Variants in MBNL2 observed in about 807,000 individuals in gnomAD.
MBNL2 encodes muscleblind-like protein 2.
MBNL2 carries 17 observed loss-of-function variants against 41.9 expected under a neutral mutation model. The observed-to-expected ratio is 0.41, with a 90% confidence interval of 0.28 to 0.61. MBNL2 has a LOEUF of 0.61. Ranked by LOEUF, MBNL2 falls within the 20% of genes least tolerant of loss-of-function variation. The pLI, the probability that MBNL2 is intolerant of heterozygous loss-of-function variation, is 0.35. For synonymous variants in MBNL2, 195 were observed against 182.9 expected, an observed-to-expected ratio of 1.07 and a Z score of -0.53; for missense variants, 336 against 505.6, an observed-to-expected ratio of 0.66 and a Z score of 3.22.
the MBNL2 span, among the ~76,000 whole-genome samples, chr13:97,174,372 C>T: frequency 1.1e-4 from 16 of 152,280 alleles, no homozygotes; most frequent in African/African-American, 2.4e-4. Context: ...TACCTCTACT[C>T]GCTCCTCCAA....
Position 97,357,567 on chromosome 13 carries a change from G to A in MBNL2, c.944G>A (p.Ser315Asn), listed in dbSNP as rs772139394. Residue 315 changes from serine (S) to asparagine (N), a missense_variant, in exon 7 of 9, where the codon AGC (serine) becomes AAC (asparagine). By Grantham distance (46) the Ser-to-Asn change is conservative. Coordinates refer to ENST00000679496, the MANE Select transcript of MBNL2 (RefSeq NM_001382683.1). ...GGTACCAGCGCGGTCTTTAACCCCAGCGTCTTGCACTACCAGCAGGCTCTC... is the reference window on the plus strand; with the variant it reads ...GGTACCAGCGCGGTCTTTAACCCCAACGTCTTGCACTACCAGCAGGCTCTC... ...SNGTSAVFNPSVLHYQQALTS... is the reference protein window; with the variant it reads ...SNGTSAVFNPNVLHYQQALTS... 4 of 1,613,922 alleles carry A rather than the reference G, an allele frequency of 2.5e-6. No homozygotes were observed. The highest frequency in any genetic ancestry group is 4.5e-5 in the East Asian group (2 of 44,870).
the MBNL2 span, among the ~76,000 whole-genome samples, chr13:97,157,724 C>T: frequency 7.7e-3 from 1,138 of 148,252 alleles, 10 homozygotes; most frequent in African/African-American, 0.027. Flanking sequence ...TTGAACCAGC[C>T]TTGCATCCCA....
chr13:97,333,992 GAAAGAGAA>G (rs1355845864), intron 2 of MBNL2, among the ~76,000 whole-genome samples: 2 of 96,166 alleles, frequency 2.1e-5, no homozygotes, highest in African/African-American at 4.0e-5. Context: ...GGGAGGGAAA[GAAAGAGAA>G]AGAGAGAAAG....
intron 2 of MBNL2, among the ~76,000 whole-genome samples, chr13:97,293,322 A>G (rs1477563850): frequency 6.6e-6 from 1 of 152,170 alleles, no homozygotes; most frequent in African/African-American, 2.4e-5. Flanking sequence ...AAAATATCCA[A>G]GTAATTTGGT....
intron 1 of MBNL2, among the ~76,000 whole-genome samples, chr13:97,246,757 G>A (rs73555759): frequency 0.029 from 4,348 of 152,198 alleles, 95 homozygotes; most frequent in South Asian, 0.12. Context: ...ACCAAACCAC[G>A]CTACAAGACA....
chr13:97,144,885 C>T, the MBNL2 span, among the ~76,000 whole-genome samples: 1 of 152,262 alleles, frequency 6.6e-6, no homozygotes, highest in East Asian at 1.9e-4. Flanking sequence ...TTCGGAAGGA[C>T]CCTGACATAG....
At chr13:97,149,697 C>T in the MBNL2 span, among the ~76,000 whole-genome samples, 1 of 152,100 alleles carries the variant, frequency 6.6e-6, no homozygotes, top group Non-Finnish European at 1.5e-5. Context: ...AATACTAGAA[C>T]TTGGTGGAGC....
At chr13:97,363,577 A>G (rs2153116798) in intron 7 of MBNL2, among the ~76,000 whole-genome samples, 1 of 152,212 alleles carries the variant, frequency 6.6e-6, no homozygotes, top group South Asian at 2.1e-4. Context: ...TGCTGGCTGC[A>G]GCAATATGGG....
At chr13:97,251,868 G>C (rs1315807670) in intron 1 of MBNL2, among the ~76,000 whole-genome samples, 2 of 114,040 alleles carry the variant, frequency 1.8e-5, no homozygotes, top group African/African-American at 7.0e-5. Context: ...TTTTGAGACG[G>C]AGTCTCGCTC....
chr13:97,346,928 T>C lies in MBNL2; in HGVS notation c.665T>C (p.Ile222Thr). ...ACCGTAACCGTTTGTATGGATTACA[T>C]AAAGGGGCGTTGCATGAGGGAGAAA... ...DNTVTVCMDYIKGRCMREKCK... is the reference protein window; with the variant it reads ...DNTVTVCMDYTKGRCMREKCK... The change falls in exon 5 of 9, where the codon ATA becomes ACA. Residue 222 changes from isoleucine (I) to threonine (T), a missense_variant. Transcript: ENST00000679496. This position sits in a 1 kb window ranked among gnomAD's most constrained non-coding sequence, Gnocchi z 4.2. The C allele has an allele frequency of 6.2e-7, 1 of 1,614,128 alleles. No individual in the cohort carries two copies. The highest frequency in any genetic ancestry group is 8.5e-7 in the Non-Finnish European group (1 of 1,179,968).
intron 4 of MBNL2, among the ~76,000 whole-genome samples, chr13:97,345,467 C>G (rs887365433): frequency 1.7e-4 from 26 of 152,102 alleles, no homozygotes; most frequent in African/African-American, 6.0e-4. Context: ...CTTGATCCAC[C>G]AGAATTCTCA....
chr13:97,260,316 C>G (rs539150492), intron 1 of MBNL2, among the ~76,000 whole-genome samples: 1 of 152,122 alleles, frequency 6.6e-6, no homozygotes, highest in Admixed American at 6.5e-5. Context: ...GGCCAGTCAC[C>G]GAGGTCAGTG....
At chr13:97,210,403 G>T in the MBNL2 span, among the ~76,000 whole-genome samples, 4 of 152,040 alleles carry the variant, frequency 2.6e-5, no homozygotes, top group African/African-American at 9.7e-5. Flanking sequence ...GGAAGTCTTT[G>T]TCTTTGTGGC....
intron 2 of MBNL2, among the ~76,000 whole-genome samples, chr13:97,282,725 T>C (rs781484852): frequency 5.3e-5 from 8 of 152,272 alleles, no homozygotes; most frequent in African/African-American, 1.2e-4. Flanking sequence ...TCAGCTGTTC[T>C]GGGTATATCA....
chr13:97,189,905 C>A, the MBNL2 span, among the ~76,000 whole-genome samples: 3 of 152,198 alleles, frequency 2.0e-5, no homozygotes, highest in African/African-American at 7.2e-5. Context: ...TCTGCGTGGG[C>A]CACCTGCTAC....
intron 8 of MBNL2, among the ~76,000 whole-genome samples, chr13:97,374,187 G>A (rs1013403123): frequency 1.3e-5 from 2 of 149,832 alleles, no homozygotes; most frequent in Admixed American, 6.7e-5. Context: ...TCGCTCTGTC[G>A]CCCAGGCTGG....
At chr13:97,308,906 C>A (rs986987628) in intron 2 of MBNL2, among the ~76,000 whole-genome samples, 1 of 152,082 alleles carries the variant, frequency 6.6e-6, no homozygotes, top group Non-Finnish European at 1.5e-5. Context: ...GCAAGATAAG[C>A]AAAAGAAGCC....
chr13:97,280,947 C>T, intron 2 of MBNL2, among the ~76,000 whole-genome samples: 1 of 152,224 alleles, frequency 6.6e-6, no homozygotes, highest in Non-Finnish European at 1.5e-5. Context: ...CCTGGCTTTA[C>T]TGCTCCCCCT....
chr13:97,197,990 C>A, the MBNL2 span, among the ~76,000 whole-genome samples: 1 of 152,102 alleles, frequency 6.6e-6, no homozygotes, highest in African/African-American at 2.4e-5. Flanking sequence ...TATTGAGTTG[C>A]CTTCCTCTGA....
Sources: allele counts gnomAD v4.1 joint callset (sites outside exome capture counted in the v4.1 genomes callset), GRCh38; gene constraint gnomAD v4.1.1; non-coding constraint Gnocchi (gnomAD v3.1); transcripts MANE v1.5; gene names NCBI Gene and HGNC (gene_info 2026-07-23, HGNC 2026-07-21).